Variants in CNTNAP5 observed in about 807,000 individuals in gnomAD.
The protein encoded by CNTNAP5 is contactin associated protein family member 5, also known as contactin-associated protein-like 5.
Under a neutral mutation model 150.2 loss-of-function variants are expected in CNTNAP5, and 72 were observed. That is an observed-to-expected ratio of 0.48 (90% CI 0.40 to 0.58). The LOEUF (loss-of-function observed/expected upper bound fraction) is 0.58. CNTNAP5 is among the 20% of genes least tolerant of loss of function. The pLI, the probability that CNTNAP5 is intolerant of heterozygous loss-of-function variation, is 0.00. For missense variants in CNTNAP5, 1,636 were observed against 1,626.2 expected (o/e 1.01, Z -0.10); for synonymous variants, 672 against 619.8 (o/e 1.08, Z -1.25).
intron 14 of CNTNAP5, among the ~76,000 whole-genome samples, chr2:124,758,546 T>TAG (rs1201731369): frequency 1.3e-5 from 2 of 151,936 alleles, no homozygotes; most frequent in East Asian, 3.9e-4. Context: ...CCATGGAAAC[T>TAG]AGCAATTTAA....
At chr2:124,588,243 CTTT>C (rs1164147695) in intron 11 of CNTNAP5, among the ~76,000 whole-genome samples, 18 of 126,592 alleles carry the variant, frequency 1.4e-4, no homozygotes, top group Admixed American at 7.9e-4. Flanking sequence ...TTTCTTCTTT[CTTT>C]ATTTCCTCTT....
chr2:124,886,411 G>A (rs2104743411), intron 21 of CNTNAP5, among the ~76,000 whole-genome samples: 1 of 152,156 alleles, frequency 6.6e-6, no homozygotes, highest in Non-Finnish European at 1.5e-5. Context: ...TATCCTCTTT[G>A]AAATGTCAGA....
chr2:124,088,371 T>G (rs1682742641), intron 1 of CNTNAP5, among the ~76,000 whole-genome samples: 1 of 152,180 alleles, frequency 6.6e-6, no homozygotes, highest in Non-Finnish European at 1.5e-5. Flanking sequence ...TGTTCATAAT[T>G]GATTACTGAA....
At chr2:124,872,090 C>T (rs1677761266) in intron 21 of CNTNAP5, among the ~76,000 whole-genome samples, 2 of 151,922 alleles carry the variant, frequency 1.3e-5, no homozygotes, top group Non-Finnish European at 2.9e-5. Context: ...TTCACTAGTC[C>T]TCTCCTTATT....
chr2:124,641,434 C>T (rs1027833117), intron 12 of CNTNAP5, among the ~76,000 whole-genome samples: 3 of 152,092 alleles, frequency 2.0e-5, no homozygotes, highest in Non-Finnish European at 4.4e-5. Context: ...TATTTACTAG[C>T]AGTCATTACC....
At chr2:124,529,870 G>A (rs35604878) in intron 10 of CNTNAP5, among the ~76,000 whole-genome samples, 1,839 of 152,206 alleles carry the variant, frequency 0.012, 26 homozygotes, top group Non-Finnish European at 0.017. Flanking sequence ...GCCTCTTTGT[G>A]GTTGTCCTAC....
intron 1 of CNTNAP5, among the ~76,000 whole-genome samples, chr2:124,176,363 A>G (rs954963932): frequency 1.3e-5 from 2 of 152,106 alleles, no homozygotes; most frequent in African/African-American, 4.8e-5. Context: ...AAAGTAGGAA[A>G]CTCAGAGCTC....
chr2:124,738,646 C>G (rs10205153), intron 13 of CNTNAP5, among the ~76,000 whole-genome samples: 38,962 of 151,532 alleles, frequency 0.26, 5,601 homozygotes, highest in Non-Finnish European at 0.34. Context: ...CAGGAGAATC[C>G]CTTGAACCTG....
rs1409239131 is a variant in CNTNAP5 at position 124,896,284 on chromosome 2, C to T, written c.3437-6598C>T. On this transcript the variant is annotated intron_variant, in intron 21 of 23. Transcript: ENST00000682447. ...AGTTTGAAATGCATGCACACACACA[C>T]ACACATACATGAATGTCACTGATTA... Among the ~76,000 whole-genome samples the T allele has an allele frequency of 2.6e-5, 4 of 151,490 alleles. 1 individual carries two copies. The highest frequency in any genetic ancestry group is 9.8e-5 in the African/African-American group (4 of 40,844).
At position 124,670,615 on chromosome 2, in the gene CNTNAP5, AGCT is replaced by A. The variant is rs1290004326; in HGVS notation, c.2077+22658_2077+22660del. 7.3e-3 allele frequency among the ~76,000 whole-genome samples: 362 copies of A among 49,868 alleles called. 1 individual carries two copies. Among genetic ancestry groups the A allele is most frequent in the Non-Finnish European group, 0.011 (277 of 24,498 alleles). The allele number at this position is 49,868 out of a possible 152,430, so 32.7% of individuals were successfully genotyped here. A position where few individuals can be genotyped will look rare whatever the true frequency, so the allele number is the denominator to read the frequency against. On this transcript the variant is annotated intron_variant, in intron 13 of 23. Coordinates refer to ENST00000682447, the MANE Select transcript of CNTNAP5 (RefSeq NM_001367498.1). ...TTGTTGTTTGTACTTTTGATGTCAA[AGCT>A]AAAATCCACCTTAGAGGTGTTGCAC...
At chr2:124,402,878 G>A (rs1266759252) in intron 3 of CNTNAP5, among the ~76,000 whole-genome samples, 1 of 152,130 alleles carries the variant, frequency 6.6e-6, no homozygotes, top group Non-Finnish European at 1.5e-5. Context: ...GTAGTGGCCA[G>A]TGCCTAAAAC....
At chr2:124,288,922 G>A (rs1042692947) in intron 3 of CNTNAP5, among the ~76,000 whole-genome samples, 8 of 152,172 alleles carry the variant, frequency 5.3e-5, no homozygotes, top group African/African-American at 1.9e-4. Flanking sequence ...GGCTATGAAT[G>A]TAGTAGAAGT....
chr2:124,492,610 A>ACG (rs1694056431), intron 7 of CNTNAP5, among the ~76,000 whole-genome samples: 1 of 152,150 alleles, frequency 6.6e-6, no homozygotes, highest in East Asian at 1.9e-4. Context: ...TACTTCTATG[A>ACG]AGACTGCCAT....
At chr2:124,563,145 G>A in intron 10 of CNTNAP5, 72 bp from the exon 11 acceptor site, 1 of 907,280 alleles carries the variant, frequency 1.1e-6, no homozygotes, top group South Asian at 1.5e-5. Context: ...TTGGATATGA[G>A]ACATTTTTGC....
At chr2:124,148,110 A>T (rs1684298635) in intron 1 of CNTNAP5, among the ~76,000 whole-genome samples, 1 of 152,104 alleles carries the variant, frequency 6.6e-6, no homozygotes, top group African/African-American at 2.4e-5. Context: ...AAGGCTTATA[A>T]GCTACTTTAT....
chr2:124,493,331 T>C (rs898481933), intron 7 of CNTNAP5, among the ~76,000 whole-genome samples: 2 of 150,886 alleles, frequency 1.3e-5, no homozygotes, highest in Admixed American at 6.6e-5. Flanking sequence ...AAATATTTAA[T>C]TATTATTATC....
chr2:124,901,475 G>A (rs1020179094), intron 21 of CNTNAP5, among the ~76,000 whole-genome samples: 1 of 152,166 alleles, frequency 6.6e-6, no homozygotes, highest in Admixed American at 6.6e-5. Context: ...AACATTGCTT[G>A]CCTTGAAATA....
At chr2:124,390,963 G>T (rs907980006) in intron 3 of CNTNAP5, among the ~76,000 whole-genome samples, 10 of 152,174 alleles carry the variant, frequency 6.6e-5, no homozygotes, top group African/African-American at 2.2e-4. Context: ...TTAGACATGG[G>T]TTCAGAGAAC....
chr2:124,608,085 C>G (rs1573493650), intron 11 of CNTNAP5, among the ~76,000 whole-genome samples: 2 of 152,170 alleles, frequency 1.3e-5, no homozygotes, highest in East Asian at 1.9e-4. Context: ...TGAGCCACCC[C>G]TCACATTTGA....
Sources: gnomAD v4.1 joint callset for allele counts (sites outside exome capture counted in the v4.1 genomes callset) on GRCh38, gnomAD v4.1.1 for gene constraint, MANE v1.5 for transcripts, NCBI Gene and HGNC (gene_info 2026-07-23, HGNC 2026-07-21) for gene names.